Variants in SVOP observed in about 807,000 individuals in gnomAD.
SVOP encodes the protein SV2 related protein.
A neutral mutation model predicts 69.1 loss-of-function variants in SVOP; 17 were observed. The ratio of observed to expected loss-of-function variants is 0.25; its 90% CI spans 0.17 to 0.37. SVOP has a LOEUF of 0.37. Ranked by LOEUF, SVOP falls within the 10% of genes least tolerant of loss-of-function variation. The pLI is 1.00. For synonymous variants in SVOP, 238 were observed against 238.6 expected (o/e 1.00, Z 0.02); for missense variants, 435 against 597.5 (o/e 0.73, Z 2.84).
At chr12:108,975,371 TAC>T (rs910279610) in intron 4 of SVOP, among the ~76,000 whole-genome samples, 3 of 152,244 alleles carry the variant, frequency 2.0e-5, no homozygotes, top group African/African-American at 7.2e-5. Flanking sequence ...TTAATGGCTC[TAC>T]CTAGCCCACA....
intron 1 of SVOP, among the ~76,000 whole-genome samples, chr12:108,990,037 C>T (rs144800664): frequency 6.6e-6 from 1 of 152,252 alleles, no homozygotes; most frequent in African/African-American, 2.4e-5. Flanking sequence ...CCCTAGGTCA[C>T]ACAGCTTGAA....
chr12:109,013,278 G>A (rs1009092872), intron 1 of SVOP, among the ~76,000 whole-genome samples: 1 of 151,942 alleles, frequency 6.6e-6, no homozygotes, highest in East Asian at 1.9e-4. Context: ...GCGATGATAC[G>A]TGCTATGAAA....
intron 1 of SVOP, among the ~76,000 whole-genome samples, chr12:109,017,795 C>T (rs190841814): frequency 6.6e-5 from 10 of 152,186 alleles, no homozygotes; most frequent in South Asian, 4.1e-4. Context: ...CCACCCACCT[C>T]GGTCTCCCAA....
chr12:108,932,982 G>A (rs904309272), intron 11 of SVOP, among the ~76,000 whole-genome samples: 2 of 152,036 alleles, frequency 1.3e-5, no homozygotes, highest in Non-Finnish European at 2.9e-5. Flanking sequence ...GAGTCCAAGC[G>A]ATTCTCCTGG....
At chr12:109,016,744 C>CTT (rs34685990) in intron 1 of SVOP, among the ~76,000 whole-genome samples, 10 of 133,472 alleles carry the variant, frequency 7.5e-5, no homozygotes, top group East Asian at 2.1e-4. Flanking sequence ...TGCATTAGTT[C>CTT]TTTTTTTTTT....
chr12:109,001,875 T>A (rs2040272968), intron 1 of SVOP, among the ~76,000 whole-genome samples: 1 of 150,554 alleles, frequency 6.6e-6, no homozygotes, highest in Non-Finnish European at 1.5e-5. Flanking sequence ...AACCTAGGCA[T>A]TACCATTCAG....
At chr12:108,981,982 ATCT>A (rs2040137825) in intron 2 of SVOP, among the ~76,000 whole-genome samples, 1 of 151,622 alleles carries the variant, frequency 6.6e-6, no homozygotes, top group Non-Finnish European at 1.5e-5. Context: ...CACCACCATC[ATCT>A]TCATCATCAC....
intron 9 of SVOP, among the ~76,000 whole-genome samples, chr12:108,937,556 G>A (rs2039863871): frequency 6.6e-6 from 1 of 152,116 alleles, no homozygotes; most frequent in Admixed American, 6.6e-5. Flanking sequence ...CCCACAGGAT[G>A]GATCTCACGC....
At chr12:108,959,781 T>A (rs564184275) in intron 6 of SVOP, among the ~76,000 whole-genome samples, 1 of 152,304 alleles carries the variant, frequency 6.6e-6, no homozygotes, top group East Asian at 1.9e-4. Flanking sequence ...CTTCTCCAAG[T>A]CTCCTTCTGG....
intron 1 of SVOP, among the ~76,000 whole-genome samples, chr12:108,996,157 C>G (rs7953044): frequency 0.27 from 41,076 of 152,030 alleles, 6,026 homozygotes; most frequent in African/African-American, 0.37. Flanking sequence ...CACTTGAAGT[C>G]AGGAGTTTGA....
intron 7 of SVOP, among the ~76,000 whole-genome samples, chr12:108,944,253 C>T (rs940345988): frequency 2.6e-5 from 4 of 151,802 alleles, no homozygotes; most frequent in African/African-American, 9.7e-5. Flanking sequence ...TCACAGCTCA[C>T]TGCAGCCTCA....
At chr12:108,936,619 G>A (rs1263189147) in intron 10 of SVOP, among the ~76,000 whole-genome samples, 1 of 152,118 alleles carries the variant, frequency 6.6e-6, no homozygotes, top group African/African-American at 2.4e-5. Flanking sequence ...GGGACCACAG[G>A]TGCATGCCTC....
chr12:108,930,355 C>T (rs916636176), intron 11 of SVOP, among the ~76,000 whole-genome samples: 5 of 150,738 alleles, frequency 3.3e-5, no homozygotes, highest in Admixed American at 6.6e-5. Flanking sequence ...TAACAGAAGA[C>T]GGAAGTGAGA....
At chr12:108,945,530 T>C (rs1015013248) in intron 6 of SVOP, among the ~76,000 whole-genome samples, 1 of 152,088 alleles carries the variant, frequency 6.6e-6, no homozygotes, top group African/African-American at 2.4e-5. Flanking sequence ...TAGCTAAGAC[T>C]ACAGGCATGC....
Position 108,918,134 on chromosome 12 carries a change from G to C in SVOP, c.1269-10C>G. The C allele has an allele frequency of 6.4e-7, 1 of 1,552,262 alleles. No individual in the cohort carries two copies. The highest frequency in any genetic ancestry group is 8.7e-7 in the Non-Finnish European group (1 of 1,148,910). On this transcript the variant is annotated splice_polypyrimidine_tract_variant and intron_variant, in intron 13 of 15. Coordinates refer to ENST00000610966, the MANE Select transcript of SVOP (RefSeq NM_018711.5). ...CAGAGTGAGCACATTTCTAGGAGGA[G>C]GATAAAGGCAGATGATGGCATTTTT...
rs542859526 is a variant in SVOP, at chr12:108,916,086, A to G, written c.1351-214T>C. Among the ~76,000 whole-genome samples the G allele has an allele frequency of 7.2e-5, 11 of 152,192 alleles. No homozygotes were observed. The East Asian group carries it at 1.7e-3, about 24-fold the overall frequency. ...GCAAGAGGCTGAGCTGCGGGTGGGA[A>G]CCCAGTAAAGGGGTCCACTCTGTCC... On this transcript the variant is annotated intron_variant, in intron 14 of 15. Coordinates refer to ENST00000610966, the MANE Select transcript of SVOP (RefSeq NM_018711.5).
intron 6 of SVOP, among the ~76,000 whole-genome samples, chr12:108,960,141 G>A (rs2040009493): frequency 6.6e-6 from 1 of 152,216 alleles, no homozygotes; most frequent in South Asian, 2.1e-4. Flanking sequence ...ATAGTGAATA[G>A]TTCAGGCTTT....
chr12:109,003,924 C>G (rs1320814646), intron 1 of SVOP, among the ~76,000 whole-genome samples: 1 of 152,150 alleles, frequency 6.6e-6, no homozygotes, highest in African/African-American at 2.4e-5. Flanking sequence ...CAGTTTTAAA[C>G]CTGGACCTGC....
chr12:109,006,884 A>C lies in SVOP; in HGVS notation c.35+13950T>G, dbSNP rs2040311472. On this transcript the variant is annotated intron_variant, in intron 1 of 15. Coordinates refer to ENST00000610966, the MANE Select transcript of SVOP (RefSeq NM_018711.5). ...GGGTCAGCAAGCCTCCAAGATGCTGAAGCATCAGAATATAAACAATCAATG... is the reference window on the plus strand; with the variant it reads ...GGGTCAGCAAGCCTCCAAGATGCTGCAGCATCAGAATATAAACAATCAATG... Among the ~76,000 whole-genome samples the C allele has an allele frequency of 2.0e-5, 3 of 152,212 alleles. No homozygotes were observed. In the South Asian group the frequency reaches 6.2e-4, roughly 32 times the overall value.
Sources: gnomAD v4.1 joint callset for allele counts (sites outside exome capture counted in the v4.1 genomes callset) on GRCh38, gnomAD v4.1.1 for gene constraint, MANE v1.5 for transcripts, NCBI Gene and HGNC (gene_info 2026-07-23, HGNC 2026-07-21) for gene names.